Variants in CDH13 observed in about 807,000 individuals in gnomAD.
CDH13 encodes the protein cadherin 13.
Under a neutral mutation model 63.8 loss-of-function variants are expected in CDH13, and 24 were observed. The observed-to-expected ratio is 0.38, with a 90% CI of 0.27 to 0.53. The LOEUF is 0.53. Among genes scored for constraint, CDH13 ranks in the 20% least tolerant of loss-of-function variants. The pLI is 0.85. For missense variants in CDH13, 1,049 were observed against 903.1 expected, an observed-to-expected ratio of 1.16 and a Z score of -2.07; for synonymous variants, 503 against 355.3, an observed-to-expected ratio of 1.42 and a Z score of -4.67.
rs1473011322 is a variant in CDH13, at chr16:83,216,397, A to AATATATATATATGTATAT, written c.484-936_484-935insGTATATATATATATATAT. ...TAATGTCCTCTGCCTCCAGCATTGA[A>AATATATATATATGTATAT]ATATATATATATATATATATATATA... On this transcript the variant is annotated intron_variant, in intron 4 of 13. Transcript: ENST00000567109. Among the ~76,000 whole-genome samples the AATATATATATATGTATAT allele has an allele frequency of 1.1e-3, 18 of 16,092 alleles. 1 individual carries two copies. Among genetic ancestry groups the AATATATATATATGTATAT allele is most frequent in the Non-Finnish European group, 2.5e-3 (15 of 6,042 alleles). The allele number at this position is 16,092 out of a possible 152,430, so 10.6% of individuals were successfully genotyped here. A position where few individuals can be genotyped will look rare whatever the true frequency, so the allele number is the denominator to read the frequency against.
In CDH13 at chr16:83,428,514, A is replaced by G. The variant is rs2071987535; in HGVS notation, c.782-57963A>G. 4.6e-5 allele frequency among the ~76,000 whole-genome samples: 7 copies of G among 152,212 alleles called. 1 individual carries two copies. In the South Asian group the frequency reaches 1.4e-3, roughly 31 times the overall value. ...AAAAGTGCTTCGTGGCATGGAGATA[A>G]CAATAACTTTTCATAACTTGTGATG... On this transcript the variant is annotated intron_variant, in intron 6 of 13. Transcript: ENST00000567109.
intron 1 of CDH13, among the ~76,000 whole-genome samples, chr16:82,700,518 T>C (rs1597357081): frequency 6.5e-5 from 2 of 30,664 alleles, no homozygotes; most frequent in South Asian, 4.3e-3. Flanking sequence ...TTAGGGCTAG[T>C]AAGTGTGTGT....
intron 4 of CDH13, among the ~76,000 whole-genome samples, chr16:83,177,321 T>C (rs997130059): frequency 3.3e-5 from 5 of 152,172 alleles, no homozygotes; most frequent in African/African-American, 1.2e-4. Flanking sequence ...TCTTCAAAGG[T>C]AGGGACTAAT....
intron 3 of CDH13, among the ~76,000 whole-genome samples, chr16:83,100,476 A>C (rs1001462548): frequency 6.6e-6 from 1 of 152,172 alleles, no homozygotes; most frequent in Non-Finnish European, 1.5e-5. Context: ...GTTTAGAGAC[A>C]AGATAGAAAT....
chr16:83,111,573 A>T (rs963474132), intron 3 of CDH13, among the ~76,000 whole-genome samples: 1 of 152,204 alleles, frequency 6.6e-6, no homozygotes, highest in African/African-American at 2.4e-5. Flanking sequence ...GTATGCTAGG[A>T]CAATCAGAGT....
intron 4 of CDH13, among the ~76,000 whole-genome samples, chr16:83,152,771 G>A (rs1378132372): frequency 1.3e-5 from 2 of 152,194 alleles, no homozygotes; most frequent in Non-Finnish European, 2.9e-5. Context: ...TCAGAATGTG[G>A]CTTTCCTTGG....
At chr16:83,406,678 C>G (rs1297262359) in intron 6 of CDH13, among the ~76,000 whole-genome samples, 1 of 152,116 alleles carries the variant, frequency 6.6e-6, no homozygotes, top group African/African-American at 2.4e-5. Flanking sequence ...ATTGGTCAAG[C>G]TGGTCTTGAA....
chr16:83,110,147 C>T lies in CDH13; in HGVS notation c.367-15238C>T, dbSNP rs138492383. 7.6e-3 allele frequency among the ~76,000 whole-genome samples: 1,155 copies of T among 152,326 alleles called. 14 individuals carry two copies. Among genetic ancestry groups the T allele is most frequent in the African/African-American group, 0.026 (1,096 of 41,566 alleles). On this transcript the variant is annotated intron_variant, in intron 3 of 13. Transcript: ENST00000567109. ...TCAAATATAGAGCTGGATTAAGTCT[C>T]ACTAGTAGCAGAAAACAAAGTCTGT...
intron 7 of CDH13, among the ~76,000 whole-genome samples, chr16:83,499,751 T>C (rs1768463742): frequency 1.3e-5 from 2 of 152,216 alleles, no homozygotes; most frequent in Admixed American, 6.5e-5. Flanking sequence ...CTGTATTTTC[T>C]AGTTTGGGTG....
intron 1 of CDH13, among the ~76,000 whole-genome samples, chr16:82,691,308 G>A (rs1279143880): frequency 6.6e-6 from 1 of 152,154 alleles, no homozygotes; most frequent in African/African-American, 2.4e-5. Context: ...GCATCTTCCT[G>A]CTTTGGGGAA....
chr16:83,786,681 G>A (rs1226454518), intron 13 of CDH13, among the ~76,000 whole-genome samples: 11 of 151,844 alleles, frequency 7.2e-5, no homozygotes, highest in Non-Finnish European at 1.6e-4. Context: ...TCCGTCTCCC[G>A]GGTTCAAGTG....
At chr16:83,466,101 C>T (rs1391104188) in intron 6 of CDH13, among the ~76,000 whole-genome samples, 1 of 152,208 alleles carries the variant, frequency 6.6e-6, no homozygotes, top group Non-Finnish European at 1.5e-5. Flanking sequence ...GGTCAAGCAG[C>T]CCCTGCAGTA....
chr16:83,293,226 G>T (rs1415020076), intron 5 of CDH13, among the ~76,000 whole-genome samples: 2 of 152,186 alleles, frequency 1.3e-5, no homozygotes, highest in African/African-American at 4.8e-5. Flanking sequence ...AGAGGTCAGA[G>T]ACTGGTCTGG....
At chr16:82,838,381 A>G (rs1318374777) in intron 1 of CDH13, among the ~76,000 whole-genome samples, 1 of 152,140 alleles carries the variant, frequency 6.6e-6, no homozygotes, top group African/African-American at 2.4e-5. Flanking sequence ...GGTGTTCAAT[A>G]TTTGCCTCAT....
In CDH13 at chr16:83,678,206, A is replaced by G; in HGVS notation, c.1285-2A>G. On this transcript the variant is annotated splice_acceptor_variant, in intron 9 of 13. Transcript: ENST00000567109. LOFTEE classifies it high-confidence loss of function. ...CCTGAGACCCTTCTGTCTGCTTTCC[A>G]GCCATTGGACTATGAAATTTCTGCC... is the stretch of plus-strand genomic sequence containing the variant. 1 of 1,607,950 alleles carries G rather than the reference A, an allele frequency of 6.2e-7. No individual in the cohort carries two copies. The highest frequency in any genetic ancestry group is 8.5e-7 in the Non-Finnish European group (1 of 1,175,088).
At chr16:82,670,285 A>G (rs1281374626) in intron 1 of CDH13, among the ~76,000 whole-genome samples, 2 of 152,240 alleles carry the variant, frequency 1.3e-5, no homozygotes, top group Non-Finnish European at 2.9e-5. Flanking sequence ...AATAACCCAA[A>G]GGTTTGGTAG....
chr16:83,324,018 C>G (rs1408904282), intron 5 of CDH13, among the ~76,000 whole-genome samples: 4 of 148,696 alleles, frequency 2.7e-5, no homozygotes, highest in Non-Finnish European at 1.5e-5. Flanking sequence ...CAACCATCAT[C>G]ACAGGTTTAT....
intron 2 of CDH13, among the ~76,000 whole-genome samples, chr16:82,992,374 T>C (rs7499040): frequency 6.6e-6 from 1 of 152,158 alleles, no homozygotes; most frequent in African/African-American, 2.4e-5. Context: ...GATTTTGATA[T>C]ATACAATCAG....
intron 4 of CDH13, among the ~76,000 whole-genome samples, chr16:83,161,710 T>C (rs2037453654): frequency 6.6e-6 from 1 of 152,288 alleles, no homozygotes; most frequent in African/African-American, 2.4e-5. Context: ...CTCTTTCTTA[T>C]CCACATTCTT....
Sources: allele counts gnomAD v4.1 joint callset (sites outside exome capture counted in the v4.1 genomes callset), GRCh38; gene constraint gnomAD v4.1.1; transcripts MANE v1.5; gene names NCBI Gene and HGNC (gene_info 2026-07-23, HGNC 2026-07-21).